TLL1: variants seen among roughly 807,000 people sequenced by gnomAD.
TLL1 encodes the protein tolloid like 1.
TLL1 carries 49 observed loss-of-function variants against 128.2 expected under a neutral mutation model. The ratio of observed to expected loss-of-function variants is 0.38; its 90% CI spans 0.30 to 0.48. TLL1 has a LOEUF of 0.48. Among genes scored for constraint, TLL1 ranks in the 20% least tolerant of loss-of-function variants. The pLI, the probability that TLL1 is intolerant of heterozygous loss-of-function variation, is 0.96. For synonymous variants in TLL1, 454 were observed against 418.8 expected (o/e 1.08, Z -1.03); for missense variants, 1,123 against 1,242.0 (o/e 0.90, Z 1.44).
chr4:165,984,644 C>G (rs1280421057), intron 1 of TLL1, among the ~76,000 whole-genome samples: 1 of 151,942 alleles, frequency 6.6e-6, no homozygotes, highest in East Asian at 1.9e-4. Flanking sequence ...AACAAATGCT[C>G]TTGGCTATTG....
chr4:165,986,566 T>C (rs951507031), intron 1 of TLL1, among the ~76,000 whole-genome samples: 3 of 152,078 alleles, frequency 2.0e-5, no homozygotes, highest in Non-Finnish European at 4.4e-5. Flanking sequence ...CCTAAAGCAA[T>C]TTATGGTGTA....
intron 17 of TLL1, 38 bp downstream of exon 17, chr4:166,075,041 A>G: frequency 6.2e-7 from 1 of 1,609,884 alleles, no homozygotes; most frequent in Non-Finnish European, 8.5e-7. Context: ...CAACATGTAG[A>G]ATTTCATGTG....
chr4:165,877,045 C>CT (rs1243535332), intron 1 of TLL1, among the ~76,000 whole-genome samples: 3 of 152,154 alleles, frequency 2.0e-5, no homozygotes, highest in African/African-American at 7.2e-5. Context: ...CATTTACAAA[C>CT]TTTTTTCTAA....
intron 1 of TLL1, among the ~76,000 whole-genome samples, chr4:165,889,958 T>C (rs371029720): frequency 1.1e-4 from 17 of 152,238 alleles, no homozygotes; most frequent in East Asian, 3.9e-4. Context: ...GAATAACTTA[T>C]AAAGGAAAGA....
At chr4:165,942,325 GAAC>G (rs2110924911) in intron 1 of TLL1, among the ~76,000 whole-genome samples, 1 of 149,534 alleles carries the variant, frequency 6.7e-6, no homozygotes, top group Admixed American at 6.7e-5. Context: ...GACTCAGTTT[GAAC>G]AACAGCATCA....
intron 1 of TLL1, among the ~76,000 whole-genome samples, chr4:165,903,129 A>G (rs1354447054): frequency 6.6e-6 from 1 of 152,130 alleles, no homozygotes; most frequent in African/African-American, 2.4e-5. Context: ...ACCTGAGGTC[A>G]GGAGTTTGGG....
intron 18 of TLL1, among the ~76,000 whole-genome samples, chr4:166,079,977 C>G (rs1464716862): frequency 1.3e-5 from 2 of 152,140 alleles, no homozygotes; most frequent in East Asian, 1.9e-4. Flanking sequence ...TTCTTTATTG[C>G]TAGCACTTAC....
intron 1 of TLL1, among the ~76,000 whole-genome samples, chr4:165,982,039 A>T (rs528000481): frequency 6.6e-6 from 1 of 152,054 alleles, no homozygotes; most frequent in Non-Finnish European, 1.5e-5. Flanking sequence ...CCTGTCTGTT[A>T]TCAGTGCTAA....
chr4:166,074,667 T>G (rs1234443486), intron 16 of TLL1, among the ~76,000 whole-genome samples: 1 of 152,140 alleles, frequency 6.6e-6, no homozygotes. Flanking sequence ...CTAATAGTCT[T>G]GGAAACTTGA....
rs5863785 is a variant in TLL1, at chr4:165,876,338, C to CAAAAA, written c.169+2272_169+2276dup. Among the ~76,000 whole-genome samples the CAAAAA allele has an allele frequency of 2.5e-3, 368 of 148,886 alleles. 5 individuals carry two copies. The highest frequency in any genetic ancestry group is 7.0e-3 in the African/African-American group (286 of 40,694). On this transcript the variant is annotated intron_variant, in intron 1 of 20. Coordinates refer to ENST00000061240, the MANE Select transcript of TLL1 (RefSeq NM_012464.5). ...CTACATTGAAATCCCAAGCAAGAGT[C>CAAAAA]AAAAAAAAAAATCACTGAAATAAGG...
chr4:165,971,756 T>C (rs1370116327), intron 1 of TLL1, among the ~76,000 whole-genome samples: 1 of 152,204 alleles, frequency 6.6e-6, no homozygotes, highest in Non-Finnish European at 1.5e-5. Flanking sequence ...GTTTTCTTCT[T>C]ATCCACTTTT....
At chr4:165,893,551 A>G (rs1731513614) in intron 1 of TLL1, among the ~76,000 whole-genome samples, 2 of 152,220 alleles carry the variant, frequency 1.3e-5, no homozygotes, top group Non-Finnish European at 2.9e-5. Context: ...GGAGACATGC[A>G]GAGAATCCCT....
At chr4:165,888,043 A>G (rs898393449) in intron 1 of TLL1, among the ~76,000 whole-genome samples, 24 of 152,316 alleles carry the variant, frequency 1.6e-4, no homozygotes, top group African/African-American at 5.8e-4. Flanking sequence ...ATTTATATGT[A>G]TATTCTTCAT....
chr4:166,041,296 CTTTCTTTCTT>C (rs1232888799), intron 10 of TLL1, among the ~76,000 whole-genome samples: 1 of 129,976 alleles, frequency 7.7e-6, no homozygotes, highest in Non-Finnish European at 1.7e-5. Context: ...TTCTTTCTTT[CTTTCTTTCTT>C]TTTTTTTTTT....
intron 16 of TLL1, among the ~76,000 whole-genome samples, chr4:166,068,631 A>G (rs1444606403): frequency 1.3e-5 from 2 of 151,916 alleles, no homozygotes; most frequent in Non-Finnish European, 2.9e-5. Flanking sequence ...CATTAAAATG[A>G]CTATTCTATT....
intron 1 of TLL1, among the ~76,000 whole-genome samples, chr4:165,916,227 C>T (rs181872253): frequency 6.6e-6 from 1 of 152,190 alleles, no homozygotes; most frequent in Non-Finnish European, 1.5e-5. Context: ...GATCTTCACT[C>T]TTACTTATTT....
chr4:165,971,200 T>C (rs760965957), intron 1 of TLL1, among the ~76,000 whole-genome samples: 4 of 152,220 alleles, frequency 2.6e-5, no homozygotes, highest in Non-Finnish European at 5.9e-5. Flanking sequence ...GATTATTCAG[T>C]GTGTGTTGTC....
intron 5 of TLL1, among the ~76,000 whole-genome samples, chr4:165,995,942 A>G (rs942571935): frequency 6.6e-6 from 1 of 152,118 alleles, no homozygotes; most frequent in African/African-American, 2.4e-5. Context: ...TCTGTTTTCA[A>G]TAAATTTATA....
chr4:166,058,032 C>T (rs1175155880), intron 14 of TLL1, among the ~76,000 whole-genome samples: 1 of 151,994 alleles, frequency 6.6e-6, no homozygotes, highest in East Asian at 1.9e-4. Flanking sequence ...TATATCCATC[C>T]CTCCTTTCAT....
Sources: gnomAD v4.1 joint callset for allele counts (sites outside exome capture counted in the v4.1 genomes callset) on GRCh38, gnomAD v4.1.1 for gene constraint, MANE v1.5 for transcripts, NCBI Gene and HGNC (gene_info 2026-07-23, HGNC 2026-07-21) for gene names.